The following DNAH11 variants were observed in gnomAD, a reference collection of about 807,000 sequenced individuals.
DNAH11 encodes dynein axonemal heavy chain 11.
Under a neutral mutation model 526.0 loss-of-function variants are expected in DNAH11, and 442 were observed. The observed-to-expected ratio is 0.84, with a 90% CI of 0.78 to 0.91. The LOEUF is 0.91. DNAH11 is among the 40% of genes least tolerant of loss of function. The pLI, the probability that DNAH11 is intolerant of heterozygous loss-of-function variation, is 0.00. For synonymous variants in DNAH11, 2,461 were observed against 1,935.9 expected, an observed-to-expected ratio of 1.27 and a Z score of -7.12; for missense variants, 6,989 against 5,448.7, an observed-to-expected ratio of 1.28 and a Z score of -8.90.
chr7:21,738,644 A>T (rs1228733482), intron 46 of DNAH11, 57 bp from the exon 47 acceptor site: 2 of 1,477,822 alleles, frequency 1.4e-6, no homozygotes, highest in African/African-American at 2.9e-5. Flanking sequence ...GAGAAAAATG[A>T]CTAAATGAAC....
intron 62 of DNAH11, among the ~76,000 whole-genome samples, chr7:21,805,918 C>G (rs938648615): frequency 6.6e-6 from 1 of 152,124 alleles, no homozygotes; most frequent in African/African-American, 2.4e-5. Flanking sequence ...TTGTCTATAT[C>G]GCATTGACCT....
At chr7:21,785,747 TA>T (rs1179249757) in intron 58 of DNAH11, among the ~76,000 whole-genome samples, 6 of 152,360 alleles carry the variant, frequency 3.9e-5, no homozygotes, top group African/African-American at 1.2e-4. Context: ...CAATTCTTAC[TA>T]GCATATTTTA....
rs1458575881 is a variant in DNAH11, at chr7:21,900,119, G to A, written c.13302G>A (p.Glu4434=). 1.2e-6 allele frequency: 2 copies of A among 1,610,114 alleles called. No homozygotes were observed. The highest frequency in any genetic ancestry group is 2.2e-5 in the East Asian group (1 of 44,800). ...EGAYLHGLFM[E]GARWDTQAGT... ...CATACCTCCACGGACTCTTCATGGA[G>A]GGTAAGACACCCCAAGGGGTAAGTG... The change falls in exon 81 of 82, where the codon GAG becomes GAA. Residue 4434 remains glutamate, a splice_region_variant and synonymous_variant. Transcript: ENST00000409508.
At chr7:21,900,733 T>TATGTGA (rs1784763230) in intron 81 of DNAH11, among the ~76,000 whole-genome samples, 1 of 138,040 alleles carries the variant, frequency 7.2e-6, no homozygotes, top group East Asian at 2.0e-4. Context: ...TAGTTCAGTG[T>TATGTGA]ATGTGAATTC....
At chr7:21,870,053 T>C (rs1416667102) in intron 73 of DNAH11, among the ~76,000 whole-genome samples, 1 of 152,204 alleles carries the variant, frequency 6.6e-6, no homozygotes, top group Non-Finnish European at 1.5e-5. Context: ...GGCTGCCTTA[T>C]CTGGAATCAT....
chr7:21,716,039 C>T (rs1784650276), intron 42 of DNAH11, among the ~76,000 whole-genome samples: 1 of 152,082 alleles, frequency 6.6e-6, no homozygotes, highest in Non-Finnish European at 1.5e-5. Context: ...TGATGTGACT[C>T]CATGAAACCG....
chr7:21,869,085 G>T (rs554546626), intron 73 of DNAH11, 94 bp downstream of exon 73: 2 of 1,531,666 alleles, frequency 1.3e-6, no homozygotes, highest in Non-Finnish European at 8.8e-7. Context: ...CCTTAACACC[G>T]CTGTGCATGG....
chr7:21,682,525 CAAAAAAAA>C (rs60337481), intron 31 of DNAH11, among the ~76,000 whole-genome samples: 1 of 96,052 alleles, frequency 1.0e-5, no homozygotes, highest in African/African-American at 3.7e-5. Context: ...GACTCCATCT[CAAAAAAAA>C]AAAAAAAAAA....
At chr7:21,663,680 A>C (rs570470587) in intron 30 of DNAH11, among the ~76,000 whole-genome samples, 2 of 151,854 alleles carry the variant, frequency 1.3e-5, no homozygotes, top group Non-Finnish European at 2.9e-5. Flanking sequence ...GTGAGATCAT[A>C]CAGTATTTGT....
At chr7:21,677,848 A>G (rs1358500246) in intron 30 of DNAH11, among the ~76,000 whole-genome samples, 1 of 152,186 alleles carries the variant, frequency 6.6e-6, no homozygotes, top group African/African-American at 2.4e-5. Context: ...ATCTTTTCAT[A>G]TACTAGTTAG....
intron 54 of DNAH11, among the ~76,000 whole-genome samples, chr7:21,751,222 G>A (rs1209833402): frequency 1.3e-5 from 2 of 152,128 alleles, no homozygotes; most frequent in Non-Finnish European, 2.9e-5. Context: ...TACTTGGGTG[G>A]CTGAGGCAGG....
At chr7:21,675,027 A>G (rs1782815537) in intron 30 of DNAH11, among the ~76,000 whole-genome samples, 1 of 151,750 alleles carries the variant, frequency 6.6e-6, no homozygotes, top group Admixed American at 6.6e-5. Flanking sequence ...AGACCAAGCC[A>G]CTCTCTTTCA....
chr7:21,717,030 C>T (rs1329910189), intron 42 of DNAH11, among the ~76,000 whole-genome samples: 1 of 152,062 alleles, frequency 6.6e-6, no homozygotes, highest in African/African-American at 2.4e-5. Context: ...CATGCTTCAT[C>T]CTTAGTGAGA....
chr7:21,674,101 C>T (rs990038118), intron 30 of DNAH11, among the ~76,000 whole-genome samples: 1 of 151,468 alleles, frequency 6.6e-6, no homozygotes, highest in African/African-American at 2.4e-5. Flanking sequence ...ACCCTGTCGC[C>T]CAGGCTGGAA....
At chr7:21,646,644 G>A (rs148812378) in intron 28 of DNAH11, among the ~76,000 whole-genome samples, 135 of 152,312 alleles carry the variant, frequency 8.9e-4, no homozygotes, top group South Asian at 3.5e-3. Flanking sequence ...CAGGTGCCCA[G>A]TGAGCTCCAG....
chr7:21,887,286 CT>C (rs1269035957), intron 76 of DNAH11, among the ~76,000 whole-genome samples: 2 of 152,182 alleles, frequency 1.3e-5, no homozygotes, highest in African/African-American at 4.8e-5. Flanking sequence ...CTCCAGTGGG[CT>C]TTAGAGGGTC....
intron 36 of DNAH11, among the ~76,000 whole-genome samples, chr7:21,700,826 G>A (rs373699727): frequency 6.6e-6 from 1 of 152,074 alleles, no homozygotes; most frequent in African/African-American, 2.4e-5. Flanking sequence ...GGACGAGGAT[G>A]GAAACCATAA....
chr7:21,605,328 G>C (rs1352124777), intron 18 of DNAH11, among the ~76,000 whole-genome samples: 1 of 152,172 alleles, frequency 6.6e-6, no homozygotes, highest in Non-Finnish European at 1.5e-5. Context: ...CAATTTCACT[G>C]TCCCAGGAGA....
In DNAH11 at chr7:21,900,816, G is replaced by A. The variant is rs148132054; in HGVS notation, c.13304-191G>A. 513 of 784,300 alleles carry A rather than the reference G, an allele frequency of 6.5e-4. 2 individuals carry two copies. The African/African-American group carries it at 7.3e-3, about 11-fold the overall frequency. 48.6% of individuals were successfully genotyped at this position (784,300 alleles called of 1,614,324 possible). A position where few individuals can be genotyped will look rare whatever the true frequency, so the allele number is the denominator to read the frequency against. On this transcript the variant is annotated intron_variant, in intron 81 of 81. Transcript: ENST00000409508. ...TAACCACTACGCATGGAAGCAAAGCGGTGCCTCCGCTGCAGGCAGGGTAAC... is the reference window on the plus strand; with the variant it reads ...TAACCACTACGCATGGAAGCAAAGCAGTGCCTCCGCTGCAGGCAGGGTAAC...
Sources: gnomAD v4.1 joint callset for allele counts (sites outside exome capture counted in the v4.1 genomes callset) on GRCh38, gnomAD v4.1.1 for gene constraint, MANE v1.5 for transcripts, NCBI Gene and HGNC (gene_info 2026-07-23, HGNC 2026-07-21) for gene names.